The following SATL1 variants were observed in gnomAD, a reference collection of about 807,000 sequenced individuals.
SATL1 encodes spermidine/spermine N(1)-acetyltransferase-like protein 1.
A neutral mutation model predicts 51.8 loss-of-function variants in SATL1; 47 were observed. That is an observed-to-expected ratio of 0.91 (90% CI 0.72 to 1.16). SATL1 has a LOEUF of 1.16. Among genes scored for constraint, SATL1 ranks in the 50% most tolerant of loss-of-function variants. The pLI, the probability that SATL1 is intolerant of heterozygous loss-of-function variation, is 0.00. For missense variants in SATL1, 520 were observed against 526.4 expected (o/e 0.99, Z 0.12); for synonymous variants, 176 against 182.4 (o/e 0.97, Z 0.28).
At chrX:85,181,204 CACAT>C (rs1927195708) in intron 2 of SATL1, among the ~76,000 whole-genome samples, 3 of 67,282 alleles carry the variant, frequency 4.5e-5, no homozygotes, top group East Asian at 4.0e-4. Flanking sequence ...TATATATATA[CACAT>C]ATATATATAT....
At chrX:85,232,348 A>G (rs1236329887) in intron 1 of SATL1, among the ~76,000 whole-genome samples, 1 of 111,146 alleles carries the variant, frequency 9.0e-6, no homozygotes, top group Non-Finnish European at 1.9e-5. Flanking sequence ...TGCTGGCTTA[A>G]TCCAGCACAT....
intron 2 of SATL1, among the ~76,000 whole-genome samples, chrX:85,194,848 G>A (rs1350879314): frequency 1.4e-5 from 1 of 72,362 alleles, no homozygotes; most frequent in Non-Finnish European, 2.4e-5. Flanking sequence ...ACAGGAAGGG[G>A]AACATCACAC....
At chrX:85,133,591 G>T in intron 2 of SATL1, among the ~76,000 whole-genome samples, 1 of 112,149 alleles carries the variant, frequency 8.9e-6, no homozygotes, top group Non-Finnish European at 1.9e-5. Flanking sequence ...GAAATCCCCT[G>T]ACCCCTCATG....
chrX:85,165,773 T>G (rs1340279462), intron 2 of SATL1, among the ~76,000 whole-genome samples: 2 of 111,372 alleles, frequency 1.8e-5, no homozygotes, highest in African/African-American at 6.5e-5. Context: ...ATTGAAAAAA[T>G]AATTCTAAAA....
chrX:85,125,359 T>C (rs1465059710), intron 2 of SATL1, among the ~76,000 whole-genome samples: 3 of 111,433 alleles, frequency 2.7e-5, no homozygotes, highest in African/African-American at 9.8e-5. Flanking sequence ...GTTTTAGTTT[T>C]AACGTGGAAA....
At chrX:85,174,741 A>G (rs1927051527) in intron 2 of SATL1, among the ~76,000 whole-genome samples, 1 of 111,862 alleles carries the variant, frequency 8.9e-6, no homozygotes. Context: ...CTCAACTAAT[A>G]ACATTCCCAT....
intron 2 of SATL1, among the ~76,000 whole-genome samples, chrX:85,150,099 T>G (rs1201947875): frequency 2.7e-5 from 3 of 110,166 alleles, no homozygotes; most frequent in Non-Finnish European, 5.7e-5. Flanking sequence ...GAGAGAAGAA[T>G]GAAATAGATG....
intron 2 of SATL1, among the ~76,000 whole-genome samples, chrX:85,185,546 A>G (rs1927294947): frequency 9.0e-6 from 1 of 110,929 alleles, no homozygotes; most frequent in Non-Finnish European, 1.9e-5. Context: ...CACAAGACAA[A>G]GTCCTTCCTA....
chrX:85,183,535 A>G (rs1927252644), intron 2 of SATL1, among the ~76,000 whole-genome samples: 1 of 111,075 alleles, frequency 9.0e-6, no homozygotes, highest in Non-Finnish European at 1.9e-5. Flanking sequence ...TTTTGCTCAG[A>G]ACTGCTTTGG....
At chrX:85,183,209 G>C (rs1927244678) in intron 2 of SATL1, among the ~76,000 whole-genome samples, 1 of 110,543 alleles carries the variant, frequency 9.0e-6, no homozygotes, top group Non-Finnish European at 1.9e-5. Flanking sequence ...ATAGTTTCGG[G>C]TTCTATATTT....
In SATL1 at chrX:85,155,329, AG is replaced by A. The variant is rs747228295; in HGVS notation, c.-312-46050del. 4.5e-5 allele frequency among the ~76,000 whole-genome samples: 5 copies of A among 111,319 alleles called. No homozygotes were observed. In the South Asian group the frequency reaches 1.9e-3, roughly 42 times the overall value. On this transcript the variant is annotated intron_variant, in intron 2 of 7. Coordinates refer to ENST00000644105, the MANE Select transcript of SATL1 (RefSeq NM_001367857.2). ...TAGCTTTCCTACTCCAAGGTTTTCT[AG>A]AACACTGGATTTGTATTCCAATCTT...
chrX:85,167,554 C>A (rs1225197139), intron 2 of SATL1, among the ~76,000 whole-genome samples: 1 of 110,733 alleles, frequency 9.0e-6, no homozygotes, highest in Non-Finnish European at 1.9e-5. Context: ...GGATAAATTC[C>A]TGGACACATA....
In SATL1 at chrX:85,224,218, T is replaced by C. The variant is rs1928229744; in HGVS notation, c.-326A>G. ...TCCATTCCTTACCTCTTCCAACTTC[T>C]GATGGCTTCGGTATTTCTTGGCTTG... On this transcript the variant is annotated 5_prime_UTR_variant, in exon 2 of 8. Coordinates refer to ENST00000644105, the MANE Select transcript of SATL1 (RefSeq NM_001367857.2). 8.9e-6 allele frequency: 1 copy of C among 111,843 alleles called. No individual in the cohort carries two copies. Among genetic ancestry groups the C allele is most frequent in the African/African-American group, 3.3e-5 (1 of 30,742 alleles). The allele number at this position is 111,843 out of a possible 1,213,427, so 9.2% of individuals were successfully genotyped here.
At chrX:85,144,858 C>A (rs1484791241) in intron 2 of SATL1, among the ~76,000 whole-genome samples, 3 of 110,434 alleles carry the variant, frequency 2.7e-5, no homozygotes, top group African/African-American at 9.9e-5. Context: ...GAGACCCAGT[C>A]TCTTCAAAAT....
intron 2 of SATL1, among the ~76,000 whole-genome samples, chrX:85,205,036 G>T (rs765146738): frequency 8.0e-5 from 9 of 111,961 alleles, no homozygotes; most frequent in African/African-American, 2.9e-4. Context: ...ATCCTGGATA[G>T]TGGATTGGTT....
chrX:85,191,535 T>C (rs1250957792), intron 2 of SATL1, among the ~76,000 whole-genome samples: 1 of 111,696 alleles, frequency 9.0e-6, no homozygotes, highest in Non-Finnish European at 1.9e-5. Context: ...GTATAACTTT[T>C]GATTCCTCAA....
At chrX:85,105,426 A>G (rs1428202165) in intron 3 of SATL1, among the ~76,000 whole-genome samples, 1 of 111,461 alleles carries the variant, frequency 9.0e-6, no homozygotes, top group Non-Finnish European at 1.9e-5. Flanking sequence ...TATGCATTCA[A>G]TGTTTGTATA....
At chrX:85,188,015 A>C (rs1689519727) in intron 2 of SATL1, among the ~76,000 whole-genome samples, 1 of 111,472 alleles carries the variant, frequency 9.0e-6, no homozygotes, top group African/African-American at 3.3e-5. Context: ...ACAGAAGTCA[A>C]AAAGTTTCTA....
intron 2 of SATL1, among the ~76,000 whole-genome samples, chrX:85,128,108 T>C (rs60254754): frequency 0.15 from 16,618 of 111,050 alleles, 1,369 homozygotes; most frequent in African/African-American, 0.31. Flanking sequence ...AATAAACATA[T>C]GTGTGCATGT....
Sources: gnomAD v4.1 joint callset for allele counts (sites outside exome capture counted in the v4.1 genomes callset) on GRCh38, gnomAD v4.1.1 for gene constraint, MANE v1.5 for transcripts, NCBI Gene and HGNC (gene_info 2026-07-23, HGNC 2026-07-21) for gene names.